Variants in FHIP2A observed in about 807,000 individuals in gnomAD.
The protein encoded by FHIP2A is FHF complex subunit HOOK interacting protein 2A, also known as family with sequence similarity 160 member B1.
A neutral mutation model predicts 93.5 loss-of-function variants in FHIP2A; 46 were observed. That is an observed-to-expected ratio of 0.49 (90% confidence interval 0.39 to 0.63). FHIP2A has a LOEUF of 0.63. Ranked by LOEUF, FHIP2A falls within the 20% of genes least tolerant of loss-of-function variation. The pLI is 0.00. For synonymous variants in FHIP2A, 332 were observed against 326.5 expected, an observed-to-expected ratio of 1.02 and a Z score of -0.18; for missense variants, 769 against 909.7, an observed-to-expected ratio of 0.85 and a Z score of 1.99.
chr10:114,843,824 A>G lies in FHIP2A; in HGVS notation c.900A>G (p.Thr300=). Residue 300 remains threonine (T), a synonymous_variant, in exon 7 of 17, where the codon ACA becomes ACG. Coordinates refer to ENST00000369248, the MANE Select transcript of FHIP2A (RefSeq NM_020940.4). ...LPEPAAAKCL[T]QSTCLCELLT... is the part of the protein sequence containing the mutation. ...AGCCTGCGGCTGCAAAGTGCCTTAC[A>G]CAGAGCACTTGCTTGTGTGAACTAC... 2 of 1,611,590 alleles carry G rather than the reference A, an allele frequency of 1.2e-6. No individual in the cohort carries two copies. The highest frequency in any genetic ancestry group is 8.5e-7 in the Non-Finnish European group (1 of 1,179,440).
intron 7 of FHIP2A, among the ~76,000 whole-genome samples, chr10:114,845,122 C>G (rs890079362): frequency 6.6e-6 from 1 of 152,098 alleles, no homozygotes; most frequent in Non-Finnish European, 1.5e-5. Flanking sequence ...CCTGCAGTTC[C>G]ATTCTGCTTT....
chr10:114,840,944 G>T (rs1230807638), intron 5 of FHIP2A, among the ~76,000 whole-genome samples: 2 of 152,162 alleles, frequency 1.3e-5, no homozygotes, highest in Non-Finnish European at 2.9e-5. Context: ...GTACTGATGA[G>T]ATCCCTAAAA....
At chr10:114,875,890 G>GAAAGAAAGAAAAGAA (rs2143014618) in intron 16 of FHIP2A, among the ~76,000 whole-genome samples, 1 of 88,364 alleles carries the variant, frequency 1.1e-5, no homozygotes, top group South Asian at 4.2e-4. Context: ...AAAAGAAAGA[G>GAAAGAAAGAAAAGAA]AGAGAAAGAA....
intron 13 of FHIP2A, among the ~76,000 whole-genome samples, chr10:114,853,779 A>G (rs1263611977): frequency 1.3e-5 from 2 of 152,174 alleles, no homozygotes; most frequent in Non-Finnish European, 2.9e-5. Flanking sequence ...CGGGCAGATC[A>G]CTTGAGGTCA....
rs1364757094 is a variant in FHIP2A, at chr10:114,827,670, G to A, written c.46-3182G>A. ...AAATTAGCTGGGCGTGGTAGCAGGC[G>A]CCTGTAGTCCCAGCTACTCGGGAGG... On this transcript the variant is annotated intron_variant, in intron 1 of 16. Transcript: ENST00000369248. Among the ~76,000 whole-genome samples the A allele has an allele frequency of 5.3e-5, 8 of 152,076 alleles. No individual in the cohort carries two copies. The Middle Eastern group carries it at 0.017, about 323-fold the overall frequency.
At chr10:114,852,786 A>G (rs2083744641) in intron 13 of FHIP2A, among the ~76,000 whole-genome samples, 1 of 152,224 alleles carries the variant, frequency 6.6e-6, no homozygotes, top group African/African-American at 2.4e-5. Flanking sequence ...TTAGAATTCA[A>G]GATCCTTTCG....
intron 5 of FHIP2A, among the ~76,000 whole-genome samples, chr10:114,836,496 A>G (rs1357993498): frequency 6.6e-6 from 1 of 152,186 alleles, no homozygotes; most frequent in Non-Finnish European, 1.5e-5. Flanking sequence ...GGCTTAAAAG[A>G]GGACAGCTTG....
chr10:114,876,329 G>C (rs1438162805), intron 16 of FHIP2A, among the ~76,000 whole-genome samples: 2 of 152,190 alleles, frequency 1.3e-5, no homozygotes, highest in Non-Finnish European at 2.9e-5. Context: ...CCTAATGCAG[G>C]ATTTGGCTTG....
intron 16 of FHIP2A, among the ~76,000 whole-genome samples, chr10:114,896,542 G>A (rs2084002319): frequency 6.6e-6 from 1 of 152,208 alleles, no homozygotes; most frequent in South Asian, 2.1e-4. Flanking sequence ...CACTGAGATA[G>A]ATGCATATCT....
chr10:114,890,639 C>T (rs373285737), intron 16 of FHIP2A, among the ~76,000 whole-genome samples: 12 of 144,360 alleles, frequency 8.3e-5, no homozygotes, highest in East Asian at 4.0e-4. Flanking sequence ...ACATATATAC[C>T]GTATATGACA....
intron 16 of FHIP2A, among the ~76,000 whole-genome samples, chr10:114,875,889 A>T (rs1390939727): frequency 3.0e-5 from 4 of 135,492 alleles, no homozygotes; most frequent in African/African-American, 1.1e-4. Context: ...GAAAAGAAAG[A>T]GAGAGAAAGA....
intron 13 of FHIP2A, among the ~76,000 whole-genome samples, chr10:114,850,445 C>T (rs1259049949): frequency 6.6e-6 from 1 of 152,212 alleles, no homozygotes; most frequent in East Asian, 1.9e-4. Flanking sequence ...GTGTCTCACA[C>T]CTGTAACCCC....
At chr10:114,846,784 T>G in intron 11 of FHIP2A, 56 bp downstream of exon 11, 1 of 1,435,710 alleles carries the variant, frequency 7.0e-7, no homozygotes, top group Non-Finnish European at 9.4e-7. Flanking sequence ...TAGAACTTTC[T>G]CTCTCCTCTT....
rs761588875 is a variant in FHIP2A at position 114,861,439 on chromosome 10, G to C, written c.2197G>C (p.Asp733His). The C allele has an allele frequency of 5.0e-6, 8 of 1,613,858 alleles. No homozygotes were observed. The African/African-American group carries it at 1.1e-4, about 22-fold the overall frequency. ...TGTCTGTTTTTTCCTTACCAGTATT[G>C]ACCACATCACACTGCTAGAGGGTGT... ...LGLEPEGPIIDHITLLEGVIV... is the reference protein window; with the variant it reads ...LGLEPEGPIIHHITLLEGVIV... The change falls in exon 17 of 17, where the codon GAC becomes CAC. Residue 733 changes from aspartate to histidine, a missense_variant. Asp to His is a moderately conservative substitution (Grantham distance 81). Transcript: ENST00000369248.
intron 14 of FHIP2A, 30 bp downstream of exon 14, chr10:114,855,370 A>T (rs768309361): frequency 5.2e-6 from 8 of 1,532,362 alleles, no homozygotes; most frequent in Admixed American, 1.8e-5. Flanking sequence ...TAATTTTCAT[A>T]TTTTTTTTTG....
chr10:114,832,489 C>T (rs1470167374), intron 2 of FHIP2A, among the ~76,000 whole-genome samples: 3 of 151,910 alleles, frequency 2.0e-5, no homozygotes, highest in Non-Finnish European at 2.9e-5. Flanking sequence ...AGGTTATTTG[C>T]CTTCATGTTC....
At chr10:114,887,377 A>C (rs2083948328) in intron 16 of FHIP2A, among the ~76,000 whole-genome samples, 1 of 152,244 alleles carries the variant, frequency 6.6e-6, no homozygotes, top group African/African-American at 2.4e-5. Context: ...TTTTTATGAT[A>C]CTATGTGCCT....
At chr10:114,833,183 A>G (rs771273284) in intron 2 of FHIP2A, 50 bp from the exon 3 acceptor site, 11 of 1,429,244 alleles carry the variant, frequency 7.7e-6, no homozygotes, top group South Asian at 1.3e-5. Flanking sequence ...AGGTGCAAAT[A>G]TGCAGTTTAA....
intron 3 of FHIP2A, 55 bp from the exon 4 acceptor site, chr10:114,835,482 A>AT: frequency 9.6e-7 from 1 of 1,037,718 alleles, no homozygotes; most frequent in Non-Finnish European, 1.5e-6. Context: ...TTTTCAGTAA[A>AT]TGTGTTTGCA....
Sources: gnomAD v4.1 joint callset for allele counts (sites outside exome capture counted in the v4.1 genomes callset) on GRCh38, gnomAD v4.1.1 for gene constraint, MANE v1.5 for transcripts, NCBI Gene and HGNC (gene_info 2026-07-23, HGNC 2026-07-21) for gene names.